CRMP1: variants seen among roughly 807,000 people sequenced by gnomAD.
CRMP1 encodes collapsin response mediator protein 1.
In CRMP1, 19 loss-of-function variants were observed where a neutral mutation model predicts 68.3. The ratio of observed to expected loss-of-function variants is 0.28; its 90% confidence interval spans 0.19 to 0.41. The LOEUF is 0.41. Among genes scored for constraint, CRMP1 ranks in the 10% least tolerant of loss-of-function variants. The probability of loss-of-function intolerance (pLI) is 1.00; values close to 1 mark genes in which losing one functional copy is unlikely to be tolerated. For missense variants in CRMP1, 791 were observed against 967.4 expected, an observed-to-expected ratio of 0.82 and a Z score of 2.42; for synonymous variants, 439 against 399.6, an observed-to-expected ratio of 1.10 and a Z score of -1.18.
chr4:5,876,735 T>C (rs1714862446), intron 1 of CRMP1, among the ~76,000 whole-genome samples: 1 of 150,750 alleles, frequency 6.6e-6, no homozygotes, highest in African/African-American at 2.5e-5. Context: ...GGTAGGCATA[T>C]CCCCCCACCA....
chr4:5,827,731 G>A lies in CRMP1; in HGVS notation c.1803+758C>T, dbSNP rs187373897. On this transcript the variant is annotated intron_variant, in intron 12 of 13. Transcript: ENST00000324989. ...CGCATAGACATACACACATGTGCGC[G>A]TGCACACACACACACACACACACGA... is the stretch of plus-strand genomic sequence containing the variant. 5.5e-4 allele frequency among the ~76,000 whole-genome samples: 63 copies of A among 114,224 alleles called. 1 individual carries two copies. The East Asian group carries it at 0.012, about 22-fold the overall frequency. 74.9% of individuals were successfully genotyped at this position (114,224 alleles called of 152,430 possible).
rs1337884072 is a variant in CRMP1, at chr4:5,881,327, G to C, written c.381+11262C>G. Among the ~76,000 whole-genome samples, 1 of 152,122 alleles carries C rather than the reference G, an allele frequency of 6.6e-6. No homozygotes were observed. The highest frequency in any genetic ancestry group is 1.5e-5 in the Non-Finnish European group (1 of 68,030). On this transcript the variant is annotated intron_variant, in intron 1 of 13. Transcript: ENST00000324989. This position sits in a 1 kb window ranked among gnomAD's most constrained non-coding sequence, Gnocchi z 4.6. ...TCTTCTCAGAGCAAAGCTATGATTT[G>C]GTCATTACAGCTCTCTAGGGCAATG...
chr4:5,868,260 TC>T (rs1714138446), intron 1 of CRMP1, among the ~76,000 whole-genome samples: 1 of 77,566 alleles, frequency 1.3e-5, no homozygotes, highest in Admixed American at 1.8e-4. Context: ...TGACTATATA[TC>T]TATATATATA....
At chr4:5,823,351 G>A (rs1718997323) in intron 13 of CRMP1, among the ~76,000 whole-genome samples, 1 of 152,192 alleles carries the variant, frequency 6.6e-6, no homozygotes, top group South Asian at 2.1e-4. Context: ...CTCCCCTAAA[G>A]GCCTGGAATC....
At chr4:5,824,464 A>G (rs1000734902) in intron 13 of CRMP1, 2 of 984,640 alleles carry the variant, frequency 2.0e-6, no homozygotes, top group Non-Finnish European at 2.4e-6. Flanking sequence ...CCACCACACA[A>G]TCTGAATTCA....
chr4:5,845,024 T>C (rs1034130577), intron 6 of CRMP1, among the ~76,000 whole-genome samples: 1 of 152,120 alleles, frequency 6.6e-6, no homozygotes, highest in East Asian at 1.9e-4. Context: ...ACCGATGAAA[T>C]AGAAAAAGCT....
chr4:5,882,385 T>A (rs1276415944), intron 1 of CRMP1, among the ~76,000 whole-genome samples: 1 of 152,168 alleles, frequency 6.6e-6, no homozygotes, highest in Non-Finnish European at 1.5e-5. Flanking sequence ...CCCACAGCCC[T>A]CATGTAGCAT....
chr4:5,846,107 C>G (rs1195341048), intron 6 of CRMP1, among the ~76,000 whole-genome samples: 1 of 152,046 alleles, frequency 6.6e-6, no homozygotes, highest in African/African-American at 2.4e-5. Context: ...ACCAGCCTGG[C>G]CAACATGGTA....
At chr4:5,871,129 C>T (rs1207622824) in intron 1 of CRMP1, among the ~76,000 whole-genome samples, 1 of 152,100 alleles carries the variant, frequency 6.6e-6, no homozygotes, top group Non-Finnish European at 1.5e-5. Flanking sequence ...ACACTGCAAG[C>T]AGGGGCGCCC....
At position 5,825,880 on chromosome 4, in the gene CRMP1, C is replaced by T. The variant is rs534022137; in HGVS notation, c.1804-221G>A. The stretch of plus-strand genomic sequence containing the variant: ...GCATGCATACACACACATCTACATA[C>T]CCACATGCATACACATACAGACGCA... On this transcript the variant is annotated intron_variant, in intron 12 of 13. Transcript: ENST00000324989. This position sits in a 1 kb window ranked among gnomAD's most constrained non-coding sequence, Gnocchi z 4.4. The T allele has an allele frequency of 5.5e-5, 28 of 513,100 alleles. 1 individual carries two copies. In the South Asian group the frequency reaches 5.6e-4, roughly 10 times the overall value. 31.8% of individuals were successfully genotyped at this position (513,100 alleles called of 1,614,324 possible). A position where few individuals can be genotyped will look rare whatever the true frequency, so the allele number is the denominator to read the frequency against.
Position 5,892,730 on chromosome 4 carries a change from G to C in CRMP1, c.240C>G (p.Gly80=). 1 of 1,227,452 alleles carries C rather than the reference G, an allele frequency of 8.1e-7. No individual in the cohort carries two copies. Among genetic ancestry groups the C allele is most frequent in the South Asian group, 3.4e-5 (1 of 29,338 alleles). 76.0% of individuals were successfully genotyped at this position (1,227,452 alleles called of 1,614,324 possible). A position where few individuals can be genotyped will look rare whatever the true frequency, so the allele number is the denominator to read the frequency against. ...PDAVGLPGPG[G]SEDTASDVSE... ...TCACGTCGCTGGCCGTGTCCTCGCT[G>C]CCTCCCGGCCCTGGCAGCCCGACCG... The change falls in exon 1 of 14, where the codon GGC becomes GGG. Residue 80 remains glycine (G), a synonymous_variant. Coordinates refer to ENST00000324989, the MANE Select transcript of CRMP1 (RefSeq NM_001014809.3). The surrounding 1 kb of genome is among the most constrained non-coding windows in gnomAD (Gnocchi z 8.6).
At chr4:5,857,792 A>G (rs571879111) in intron 3 of CRMP1, among the ~76,000 whole-genome samples, 1 of 152,314 alleles carries the variant, frequency 6.6e-6, no homozygotes, top group African/African-American at 2.4e-5. Context: ...ACAGAATGCC[A>G]AGATGAAAAG....
rs1174328312 is a variant in CRMP1, at chr4:5,870,374, T to G, written c.382-3618A>C. Among the ~76,000 whole-genome samples, 2 of 152,358 alleles carry G rather than the reference T, an allele frequency of 1.3e-5. No individual in the cohort carries two copies. Among genetic ancestry groups the G allele is most frequent in the Non-Finnish European group, 2.9e-5 (2 of 68,028 alleles). ...AACTTGCCACACTGGAATCACAGCT[T>G]TGGTGTGTTACCCCACTGGCAGTGC... On this transcript the variant is annotated intron_variant, in intron 1 of 13. Coordinates refer to ENST00000324989, the MANE Select transcript of CRMP1 (RefSeq NM_001014809.3). The surrounding 1 kb of genome is among the most constrained non-coding windows in gnomAD (Gnocchi z 6.0).
intron 11 of CRMP1, 50 bp from the exon 12 acceptor site, chr4:5,828,718 C>G (rs771336334): frequency 6.3e-7 from 1 of 1,596,302 alleles, no homozygotes; most frequent in Non-Finnish European, 8.6e-7. Context: ...CTGCCCCAAA[C>G]GAGCTGTTCA....
intron 1 of CRMP1, among the ~76,000 whole-genome samples, chr4:5,869,383 G>A (rs1714270640): frequency 6.6e-6 from 1 of 152,088 alleles, no homozygotes; most frequent in Admixed American, 6.6e-5. Flanking sequence ...CTTGGGTGGG[G>A]GAGAAAGAAG....
chr4:5,857,966 AAG>A (rs1713256905), intron 3 of CRMP1, among the ~76,000 whole-genome samples: 1 of 152,136 alleles, frequency 6.6e-6, no homozygotes, highest in African/African-American at 2.4e-5. Context: ...AGATGTCAAA[AAG>A]AGAAGTCTCA....
chr4:5,888,246 CT>C lies in CRMP1; in HGVS notation c.381+4342del. ...CGCTTACCGTGATGTGCGGGATGCT[CT>C]TCTTGCCCTGGTACGACATGGCCCC... On this transcript the variant is annotated intron_variant, in intron 1 of 13. Transcript: ENST00000324989. The surrounding 1 kb of genome is among the most constrained non-coding windows in gnomAD (Gnocchi z 6.4). The C allele has an allele frequency of 7.8e-7, 1 of 1,289,176 alleles. No individual in the cohort carries two copies. The highest frequency in any genetic ancestry group is 3.1e-5 in the South Asian group (1 of 32,686). The allele number at this position is 1,289,176 out of a possible 1,614,324, so 79.9% of individuals were successfully genotyped here.
chr4:5,892,563 C>A lies in CRMP1; in HGVS notation c.381+26G>T. 1.7e-6 allele frequency: 2 copies of A among 1,172,814 alleles called. No individual in the cohort carries two copies. The highest frequency in any genetic ancestry group is 4.2e-5 in the South Asian group (1 of 23,642). The allele number at this position is 1,172,814 out of a possible 1,614,324, so 72.7% of individuals were successfully genotyped here. A position where few individuals can be genotyped will look rare whatever the true frequency, so the allele number is the denominator to read the frequency against. On this transcript the variant is annotated intron_variant, in intron 1 of 13. Transcript: ENST00000324989. The surrounding 1 kb of genome is among the most constrained non-coding windows in gnomAD (Gnocchi z 8.6). The stretch of plus-strand genomic sequence containing the variant: ...TCCTCCCGGGGCCCGCCCCCCTCGT[C>A]TGGCCCGCGCGCGCCCCGAGGGTAC...
At chr4:5,863,558 C>T (rs1167753669) in intron 2 of CRMP1, among the ~76,000 whole-genome samples, 6 of 152,144 alleles carry the variant, frequency 3.9e-5, no homozygotes, top group Admixed American at 3.9e-4. Context: ...TAGCAATGTG[C>T]TGGAAAGGGA....
Sources: allele counts gnomAD v4.1 joint callset (sites outside exome capture counted in the v4.1 genomes callset), GRCh38; gene constraint gnomAD v4.1.1; non-coding constraint Gnocchi (gnomAD v3.1); transcripts MANE v1.5; gene names NCBI Gene and HGNC (gene_info 2026-07-23, HGNC 2026-07-21).